The following CDYL2 variants were observed in gnomAD, a reference collection of about 807,000 sequenced individuals.
CDYL2 encodes the protein chromodomain Y-like protein 2.
A neutral mutation model predicts 49.4 loss-of-function variants in CDYL2; 23 were observed. The ratio of observed to expected loss-of-function variants is 0.47; its 90% confidence interval spans 0.34 to 0.66. CDYL2 has a LOEUF of 0.66. Among genes scored for constraint, CDYL2 ranks in the 30% least tolerant of loss-of-function variants. The probability of loss-of-function intolerance (pLI) is 0.01; values close to 1 mark genes in which losing one functional copy is unlikely to be tolerated. For missense variants in CDYL2, 678 were observed against 656.4 expected, an observed-to-expected ratio of 1.03 and a Z score of -0.36; for synonymous variants, 360 against 268.8, an observed-to-expected ratio of 1.34 and a Z score of -3.32.
intron 3 of CDYL2, among the ~76,000 whole-genome samples, chr16:80,630,826 T>C (rs1410552007): frequency 1.3e-5 from 2 of 151,968 alleles, no homozygotes; most frequent in Non-Finnish European, 2.9e-5. Context: ...AATAATGCAA[T>C]CACAAATTCA....
intron 1 of CDYL2, among the ~76,000 whole-genome samples, chr16:80,733,713 C>T (rs969576404): frequency 2.0e-5 from 3 of 152,126 alleles, no homozygotes; most frequent in Non-Finnish European, 4.4e-5. Context: ...TAAAGTAATG[C>T]AGTGATGCAA....
chr16:80,618,906 A>G (rs1906951958), intron 4 of CDYL2, among the ~76,000 whole-genome samples: 1 of 152,204 alleles, frequency 6.6e-6, no homozygotes, highest in Admixed American at 6.5e-5. Flanking sequence ...TCCAGGCTGT[A>G]TTAGTTTCCC....
chr16:80,732,245 T>A (rs112569568), intron 1 of CDYL2, among the ~76,000 whole-genome samples: 13 of 152,344 alleles, frequency 8.5e-5, no homozygotes, highest in African/African-American at 2.9e-4. Flanking sequence ...GAAATCAGGA[T>A]ACATTCTACA....
chr16:80,655,479 G>C (rs1297617871), intron 2 of CDYL2, among the ~76,000 whole-genome samples: 2 of 152,202 alleles, frequency 1.3e-5, no homozygotes. Flanking sequence ...GAAAACAATA[G>C]GGTGATGTGA....
At chr16:80,786,578 T>G (rs1907443177) in intron 1 of CDYL2, among the ~76,000 whole-genome samples, 1 of 152,176 alleles carries the variant, frequency 6.6e-6, no homozygotes, top group Non-Finnish European at 1.5e-5. Context: ...GATCCAGAAC[T>G]AGAAATAACA....
intron 2 of CDYL2, among the ~76,000 whole-genome samples, chr16:80,657,772 T>G (rs1375013910): frequency 6.6e-6 from 1 of 152,042 alleles, no homozygotes; most frequent in Non-Finnish European, 1.5e-5. Context: ...GCACTTACTC[T>G]CACGAAACCC....
At chr16:80,802,534 C>A (rs539636724) in intron 1 of CDYL2, among the ~76,000 whole-genome samples, 1 of 152,338 alleles carries the variant, frequency 6.6e-6, no homozygotes, top group East Asian at 1.9e-4. Context: ...AAGTTCTTCA[C>A]AAGATCTCTA....
intron 6 of CDYL2, among the ~76,000 whole-genome samples, chr16:80,606,412 C>T (rs116134363): frequency 0.012 from 1,760 of 152,298 alleles, 34 homozygotes; most frequent in African/African-American, 0.04. Context: ...CTCTTCCCTG[C>T]CACAGAACAG....
chr16:80,672,088 C>T (rs953200756), intron 2 of CDYL2, among the ~76,000 whole-genome samples: 1 of 152,116 alleles, frequency 6.6e-6, no homozygotes, highest in Non-Finnish European at 1.5e-5. Flanking sequence ...ATTGAATGCT[C>T]CAATGAGCAT....
intron 2 of CDYL2, among the ~76,000 whole-genome samples, chr16:80,665,634 C>A (rs1444119246): frequency 6.6e-6 from 1 of 151,838 alleles, no homozygotes; most frequent in Non-Finnish European, 1.5e-5. Flanking sequence ...GAACTCAGGA[C>A]AGACCCTCTT....
chr16:80,792,091 G>T (rs1426860797), intron 1 of CDYL2, among the ~76,000 whole-genome samples: 1 of 152,154 alleles, frequency 6.6e-6, no homozygotes, highest in African/African-American at 2.4e-5. Context: ...CAGGTGGATG[G>T]GGGTGCTACT....
chr16:80,775,767 T>C (rs901060272), intron 1 of CDYL2, among the ~76,000 whole-genome samples: 2 of 151,838 alleles, frequency 1.3e-5, no homozygotes, highest in African/African-American at 4.8e-5. Context: ...ACTCTCATCT[T>C]ATGGCAAAGC....
At chr16:80,798,574 T>C (rs1030604615) in intron 1 of CDYL2, among the ~76,000 whole-genome samples, 3 of 152,248 alleles carry the variant, frequency 2.0e-5, no homozygotes, top group Non-Finnish European at 1.5e-5. Flanking sequence ...ATTGTAAGAA[T>C]AGAGTATATA....
intron 2 of CDYL2, among the ~76,000 whole-genome samples, chr16:80,682,802 C>G (rs938886513): frequency 6.6e-6 from 1 of 152,210 alleles, no homozygotes; most frequent in African/African-American, 2.4e-5. Context: ...TTATGCCAAG[C>G]CCCATTTACA....
At chr16:80,619,169 C>T (rs573015877) in intron 4 of CDYL2, among the ~76,000 whole-genome samples, 2 of 152,262 alleles carry the variant, frequency 1.3e-5, no homozygotes, top group South Asian at 2.1e-4. Context: ...CTCTGTGTCC[C>T]CTCTTATGAA....
At chr16:80,793,842 G>T (rs1490355455) in intron 1 of CDYL2, among the ~76,000 whole-genome samples, 2 of 152,256 alleles carry the variant, frequency 1.3e-5, no homozygotes, top group Admixed American at 6.5e-5. Context: ...AATAAAGCCT[G>T]TTTTCACTAA....
intron 1 of CDYL2, among the ~76,000 whole-genome samples, chr16:80,778,200 C>G (rs911801564): frequency 9.9e-5 from 15 of 152,020 alleles, no homozygotes; most frequent in African/African-American, 3.6e-4. Flanking sequence ...ATAGCCACTT[C>G]TTTAATTCAT....
At chr16:80,761,439 G>A (rs1214569526) in intron 1 of CDYL2, among the ~76,000 whole-genome samples, 2 of 152,180 alleles carry the variant, frequency 1.3e-5, no homozygotes, top group East Asian at 3.8e-4. Context: ...AGAGCTTGAC[G>A]TCTAGTAAAA....
intron 1 of CDYL2, among the ~76,000 whole-genome samples, chr16:80,697,929 G>A (rs990402318): frequency 2.0e-5 from 3 of 152,120 alleles, no homozygotes; most frequent in Non-Finnish European, 2.9e-5. Context: ...TACATCCCAT[G>A]TTCATGGATT....
Sources: allele counts gnomAD v4.1 joint callset (sites outside exome capture counted in the v4.1 genomes callset), GRCh38; gene constraint gnomAD v4.1.1; transcripts MANE v1.5; gene names NCBI Gene and HGNC (gene_info 2026-07-23, HGNC 2026-07-21).